The following STOX2 variants were observed in gnomAD, a reference collection of about 807,000 sequenced individuals.
STOX2 encodes the protein storkhead-box protein 2.
In STOX2, 28 loss-of-function variants were observed where a neutral mutation model predicts 60.9. The observed-to-expected ratio is 0.46, with a 90% CI of 0.34 to 0.63. The LOEUF is 0.63. STOX2 is among the 30% of genes least tolerant of loss of function. The probability of loss-of-function intolerance (pLI) is 0.01; values close to 1 mark genes in which losing one functional copy is unlikely to be tolerated. For synonymous variants in STOX2, 472 were observed against 463.9 expected, an observed-to-expected ratio of 1.02 and a Z score of -0.22; for missense variants, 1,024 against 1,187.7, an observed-to-expected ratio of 0.86 and a Z score of 2.03.
Position 184,011,685 on chromosome 4 carries a change from C to T in STOX2, c.2585+262C>T. On this transcript the variant is annotated intron_variant, in intron 3 of 3. Transcript: ENST00000308497. The surrounding 1 kb of genome is among the most constrained non-coding windows in gnomAD (Gnocchi z 4.4). ...TTGCATCAGTCTGATCTAACTAAAA[C>T]CAATATTTCCAGTATTTTTTCTGCT... 1.5e-6 allele frequency: 2 copies of T among 1,345,078 alleles called. No homozygotes were observed. The highest frequency in any genetic ancestry group is 2.0e-6 in the Non-Finnish European group (2 of 1,024,618). 83.3% of individuals were successfully genotyped at this position (1,345,078 alleles called of 1,614,324 possible).
chr4:183,943,855 C>T (rs193114319), intron 1 of STOX2, among the ~76,000 whole-genome samples: 250 of 152,158 alleles, frequency 1.6e-3, no homozygotes, highest in African/African-American at 5.8e-3. Context: ...CCAGCCTGGA[C>T]GACAGAGCAA....
At chr4:183,931,228 A>C (rs1742412196) in intron 1 of STOX2, among the ~76,000 whole-genome samples, 1 of 152,194 alleles carries the variant, frequency 6.6e-6, no homozygotes, top group Non-Finnish European at 1.5e-5. Flanking sequence ...GTTCAAGACC[A>C]GGATGGCCAA....
chr4:183,975,711 G>C (rs1732422314), intron 1 of STOX2, among the ~76,000 whole-genome samples: 1 of 152,178 alleles, frequency 6.6e-6, no homozygotes, highest in South Asian at 2.1e-4. Flanking sequence ...AGGTTTGGAT[G>C]GTTTCACTGG....
chr4:183,967,423 G>T (rs752900352), intron 1 of STOX2, among the ~76,000 whole-genome samples: 1 of 151,892 alleles, frequency 6.6e-6, no homozygotes, highest in African/African-American at 2.4e-5. Context: ...GATGGGGTGT[G>T]CATATGAGTG....
chr4:183,963,778 C>CTT (rs374409401), intron 1 of STOX2, among the ~76,000 whole-genome samples: 72 of 112,174 alleles, frequency 6.4e-4, no homozygotes, highest in African/African-American at 2.1e-3. Context: ...TACTGGCTTT[C>CTT]TTTTTTTTTT....
Position 184,017,281 on chromosome 4 carries a change from G to C in STOX2, c.2778G>C (p.Val926=). The change falls in exon 4 of 4, where the codon GTG becomes GTC. Residue 926 remains valine (V), a synonymous_variant. Coordinates refer to ENST00000308497, the MANE Select transcript of STOX2 (RefSeq NM_020225.3). ...GCTTGCAAGCTTCTGTTACTAGCGTGTGATTGTCCTTCTGCCTCAGATCTT... is the reference window on the plus strand; with the variant it reads ...GCTTGCAAGCTTCTGTTACTAGCGTCTGATTGTCCTTCTGCCTCAGATCTT... The part of the protein sequence containing the change: ...SNCLQASVTS[V] The C allele has an allele frequency of 6.3e-7, 1 of 1,588,320 alleles. No homozygotes were observed. Among genetic ancestry groups the C allele is most frequent in the Non-Finnish European group, 8.6e-7 (1 of 1,166,742 alleles).
intron 1 of STOX2, among the ~76,000 whole-genome samples, chr4:183,934,049 A>G (rs1181294779): frequency 1.3e-5 from 2 of 152,092 alleles, no homozygotes; most frequent in Admixed American, 6.6e-5. Flanking sequence ...CATGCCTGTG[A>G]TCCTAGCACT....
chr4:184,009,383 C>A lies in STOX2; in HGVS notation c.545C>A (p.Ala182Asp), dbSNP rs745335981. The change falls in exon 3 of 4, where the codon GCC becomes GAC. Residue 182 changes from alanine to aspartate, a missense_variant. Around this residue, in one of 3 missense-constraint regions of STOX2, gnomAD observed 922 missense variants for 1,058.3 expected, o/e 0.87. Transcript: ENST00000308497. This position sits in a 1 kb window ranked among gnomAD's most constrained non-coding sequence, Gnocchi z 4.0. ...CAACCCGGGACCATCACGCCCTCTG[C>A]CTCAGGCTGTGTCAGGGAAAGGACA... ...SPQPGTITPS[A>D]SGCVRERTLP... 9.3e-6 allele frequency: 15 copies of A among 1,614,042 alleles called. No individual in the cohort carries two copies. The highest frequency in any genetic ancestry group is 1.1e-5 in the Non-Finnish European group (13 of 1,179,904).
rs1560911423 is a variant in STOX2, at chr4:183,970,183, G to GTGTGTGTGTGT, written c.167-31142_167-31141insTGTGTGTGTGT. On this transcript the variant is annotated intron_variant, in intron 1 of 3. Transcript: ENST00000308497. ...GTGTGTGTGTGTGTGTGTGTGTGTG[G>GTGTGTGTGTGT]GGTTCCAGCTGAATTTTCTGTCCCG... Among the ~76,000 whole-genome samples the GTGTGTGTGTGT allele has an allele frequency of 1.6e-3, 94 of 59,034 alleles. 1 individual carries two copies. The highest frequency in any genetic ancestry group is 3.6e-3 in the African/African-American group (82 of 22,648). The allele number at this position is 59,034 out of a possible 152,430, so 38.7% of individuals were successfully genotyped here. A position where few individuals can be genotyped will look rare whatever the true frequency, so the allele number is the denominator to read the frequency against.
chr4:183,914,970 C>T lies in STOX2; in HGVS notation c.166+8014C>T, dbSNP rs369843252. Among the ~76,000 whole-genome samples, 11 of 152,250 alleles carry T rather than the reference C, an allele frequency of 7.2e-5. No homozygotes were observed. The East Asian group carries it at 7.7e-4, about 11-fold the overall frequency. On this transcript the variant is annotated intron_variant, in intron 1 of 3. Coordinates refer to ENST00000308497, the MANE Select transcript of STOX2 (RefSeq NM_020225.3). ...CTGAAAACAGAGCTCTGCAAGTAGC[C>T]GCACAAAAGACTAGGCCAGCTATGT... is the stretch of plus-strand genomic sequence containing the variant.
intron 1 of STOX2, among the ~76,000 whole-genome samples, chr4:183,989,743 T>A (rs13149152): frequency 0.23 from 35,523 of 151,952 alleles, 4,854 homozygotes; most frequent in Non-Finnish European, 0.31. Context: ...ATCCATGGGC[T>A]TTTCACACGA....
At chr4:183,802,561 T>G (rs1738789304) in intron 1 of STOX2, among the ~76,000 whole-genome samples, 1 of 151,466 alleles carries the variant, frequency 6.6e-6, no homozygotes, top group African/African-American at 2.4e-5. Context: ...TTTTTTTTTG[T>G]AGAGACAGGG....
chr4:184,009,149 T>C lies in STOX2; in HGVS notation c.320-9T>C. 6.9e-7 allele frequency: 1 copy of C among 1,446,924 alleles called. No individual in the cohort carries two copies. The highest frequency in any genetic ancestry group is 9.2e-7 in the Non-Finnish European group (1 of 1,089,612). 89.6% of individuals were successfully genotyped at this position (1,446,924 alleles called of 1,614,324 possible). On this transcript the variant is annotated splice_polypyrimidine_tract_variant and intron_variant, in intron 2 of 3. Transcript: ENST00000308497. This position sits in a 1 kb window ranked among gnomAD's most constrained non-coding sequence, Gnocchi z 4.0. The stretch of plus-strand genomic sequence containing the variant: ...TTCTCACAAGTGGTTTTTTTTTTTT[T>C]TTTTTCAGGTGTTCCAACGCCAAGC...
rs115793160 is a variant in STOX2, at chr4:183,842,127, C to G, written c.364+44072C>G. On this transcript the variant is annotated intron_variant, in intron 1 of 2. Transcript: ENST00000513034. ...TTCCTCATTTCCCTAGTAGCTCTTA[C>G]CACCTTTCCAGATTTGAGTGTTGAA... Among the ~76,000 whole-genome samples, 1,057 of 152,350 alleles carry G rather than the reference C, an allele frequency of 6.9e-3. 9 individuals are homozygous for G. The highest frequency in any genetic ancestry group is 0.025 in the African/African-American group (1,025 of 41,578).
At chr4:183,941,241 T>C (rs1364669988) in intron 1 of STOX2, among the ~76,000 whole-genome samples, 2 of 152,116 alleles carry the variant, frequency 1.3e-5, no homozygotes, top group Admixed American at 6.5e-5. Context: ...ATCCTTTTGG[T>C]TCTCCTACTC....
At chr4:183,892,322 AG>A (rs1741236898) in intron 1 of STOX2, among the ~76,000 whole-genome samples, 1 of 152,220 alleles carries the variant, frequency 6.6e-6, no homozygotes, top group Admixed American at 6.5e-5. Flanking sequence ...TCTGTCGCCC[AG>A]GCTGGAGTGC....
In STOX2 at chr4:183,992,719, GT is replaced by G. The variant is rs57548836; in HGVS notation, c.167-8604del. On this transcript the variant is annotated intron_variant, in intron 1 of 3. Transcript: ENST00000308497. ...GGTAAGTGGCTTTACCTTCATTCTG[GT>G]TGAAGGACTGGAGCACAAGTGGCAG... Among the ~76,000 whole-genome samples the G allele has an allele frequency of 3.7e-3, 569 of 152,276 alleles. 6 individuals are homozygous for G. The highest frequency in any genetic ancestry group is 0.013 in the African/African-American group (553 of 41,546).
chr4:184,013,546 A>T (rs1485316846), intron 3 of STOX2, among the ~76,000 whole-genome samples: 1 of 152,234 alleles, frequency 6.6e-6, no homozygotes, highest in African/African-American at 2.4e-5. Context: ...ACAGTTAGAG[A>T]ATCTACAGAA....
chr4:183,836,056 A>G lies in STOX2; in HGVS notation c.364+38001A>G, dbSNP rs1320699259. ...TGCCATTTTTTTTTTTATCTGAGCC[A>G]TCCTAGTGGGTGGAAAGTGGTATCC... On this transcript the variant is annotated intron_variant, in intron 1 of 2. Coordinates refer to the STOX2 transcript ENST00000513034. This position sits in a 1 kb window ranked among gnomAD's most constrained non-coding sequence, Gnocchi z 4.1. 2.0e-5 allele frequency among the ~76,000 whole-genome samples: 3 copies of G among 151,758 alleles called. No individual in the cohort carries two copies. The highest frequency in any genetic ancestry group is 4.4e-5 in the Non-Finnish European group (3 of 67,982).
Sources: gnomAD v4.1 joint callset for allele counts (sites outside exome capture counted in the v4.1 genomes callset) on GRCh38, gnomAD v4.1.1 for gene constraint, gnomAD v4.1.1 regional missense constraint, Gnocchi (gnomAD v3.1) non-coding constraint, MANE v1.5 for transcripts, NCBI Gene and HGNC (gene_info 2026-07-23, HGNC 2026-07-21) for gene names.